EPHB1: variants seen among roughly 807,000 people sequenced by gnomAD.
EPHB1 encodes the protein EPH receptor B1, also known as ephrin type-B receptor 1.
Under a neutral mutation model 94.4 loss-of-function variants are expected in EPHB1, and 30 were observed. The ratio of observed to expected loss-of-function variants is 0.32; its 90% CI spans 0.24 to 0.43. The LOEUF (loss-of-function observed/expected upper bound fraction) is 0.43. Ranked by LOEUF, EPHB1 falls within the 20% of genes least tolerant of loss-of-function variation. EPHB1 has a pLI of 1.00. For missense variants in EPHB1, 1,055 were observed against 1,308.3 expected, an observed-to-expected ratio of 0.81 and a Z score of 2.99; for synonymous variants, 522 against 489.1, an observed-to-expected ratio of 1.07 and a Z score of -0.89.
At chr3:135,078,498 C>T (rs540843768) in intron 3 of EPHB1, among the ~76,000 whole-genome samples, 2 of 152,192 alleles carry the variant, frequency 1.3e-5, no homozygotes, top group African/African-American at 2.4e-5. Context: ...CACCCTCTTG[C>T]GCCCTCTGCC....
chr3:135,256,652 T>C (rs1041224895), intron 15 of EPHB1, among the ~76,000 whole-genome samples: 70 of 152,288 alleles, frequency 4.6e-4, no homozygotes, highest in African/African-American at 1.5e-3. Flanking sequence ...GCCCTTAACA[T>C]TTTTTCCTGC....
intron 1 of EPHB1, among the ~76,000 whole-genome samples, chr3:134,835,706 T>C (rs1478250087): frequency 6.6e-6 from 1 of 152,170 alleles, no homozygotes; most frequent in African/African-American, 2.4e-5. Context: ...GAAAGACCCC[T>C]GATCCTTGAG....
At chr3:134,903,411 C>T (rs966527710) in intron 1 of EPHB1, among the ~76,000 whole-genome samples, 1 of 152,240 alleles carries the variant, frequency 6.6e-6, no homozygotes, top group Non-Finnish European at 1.5e-5. Flanking sequence ...CTGGCCTCTT[C>T]AGCAGTGTGC....
At chr3:135,053,043 A>G (rs1354847253) in intron 3 of EPHB1, among the ~76,000 whole-genome samples, 2 of 135,002 alleles carry the variant, frequency 1.5e-5, no homozygotes, top group African/African-American at 2.9e-5. Flanking sequence ...ATATATATAT[A>G]TATATATATA....
intron 1 of EPHB1, among the ~76,000 whole-genome samples, chr3:134,825,427 G>A (rs2036460070): frequency 6.6e-6 from 1 of 152,254 alleles, no homozygotes; most frequent in Non-Finnish European, 1.5e-5. Context: ...GATTGAATGA[G>A]TGTCCCTTGC....
chr3:135,009,620 C>A (rs1470989905), intron 3 of EPHB1, among the ~76,000 whole-genome samples: 2 of 152,214 alleles, frequency 1.3e-5, no homozygotes, highest in Non-Finnish European at 2.9e-5. Context: ...TTTGCAACTA[C>A]CTGAGAAGCT....
At chr3:134,808,911 C>T (rs781121748) in intron 1 of EPHB1, among the ~76,000 whole-genome samples, 7 of 152,162 alleles carry the variant, frequency 4.6e-5, no homozygotes, top group South Asian at 2.1e-4. Context: ...GAACAATGGG[C>T]GAAGAGCCAT....
chr3:135,096,914 G>A lies in EPHB1; in HGVS notation c.806-9534G>A, dbSNP rs148770149. Among the ~76,000 whole-genome samples, 959 of 152,052 alleles carry A rather than the reference G, an allele frequency of 6.3e-3. 8 individuals are homozygous for A. The highest frequency in any genetic ancestry group is 0.021 in the African/African-American group (878 of 41,480). On this transcript the variant is annotated intron_variant, in intron 3 of 15. Coordinates refer to ENST00000398015, the MANE Select transcript of EPHB1 (RefSeq NM_004441.5). ...AGATCGAGACCATCCTGGCTAACAC[G>A]GTGAAACCCCGTCTCTACTTAAAAA...
At chr3:135,257,757 G>A (rs1460227912) in intron 15 of EPHB1, among the ~76,000 whole-genome samples, 4 of 151,210 alleles carry the variant, frequency 2.6e-5, no homozygotes, top group Non-Finnish European at 5.9e-5. Flanking sequence ...CGAGCTTCCC[G>A]GCTGCTTTGT....
At chr3:135,138,403 C>T (rs1028437070) in intron 5 of EPHB1, among the ~76,000 whole-genome samples, 9 of 152,064 alleles carry the variant, frequency 5.9e-5, no homozygotes, top group Non-Finnish European at 1.0e-4. Flanking sequence ...TGCATTATTC[C>T]TTGGTTAAAT....
At chr3:135,191,634 A>G (rs1239360750) in intron 10 of EPHB1, among the ~76,000 whole-genome samples, 1 of 151,314 alleles carries the variant, frequency 6.6e-6, no homozygotes, top group East Asian at 1.9e-4. Context: ...AGGATTCAAC[A>G]GATTTTTTTT....
chr3:135,052,203 T>C (rs1417920294), intron 3 of EPHB1, among the ~76,000 whole-genome samples: 1 of 152,204 alleles, frequency 6.6e-6, no homozygotes, highest in African/African-American at 2.4e-5. Context: ...TAAAGAGATA[T>C]GGGTCAGAGG....
chr3:135,188,356 G>A (rs903636959), intron 10 of EPHB1, among the ~76,000 whole-genome samples: 30 of 151,956 alleles, frequency 2.0e-4, no homozygotes, highest in African/African-American at 5.5e-4. Context: ...TTAGCCGGGC[G>A]TTGTGGTGGG....
intron 5 of EPHB1, among the ~76,000 whole-genome samples, chr3:135,144,645 C>G (rs1359052478): frequency 2.6e-5 from 4 of 152,158 alleles, no homozygotes. Flanking sequence ...CCTCAACCCC[C>G]ACCTGTCACC....
At chr3:135,216,726 G>A (rs1460703661) in intron 12 of EPHB1, among the ~76,000 whole-genome samples, 6 of 105,010 alleles carry the variant, frequency 5.7e-5, no homozygotes, top group Admixed American at 1.2e-4. Context: ...CTGTCTCAGG[G>A]AAAAAAAAAA....
chr3:135,129,205 G>A (rs1379767274), intron 4 of EPHB1, among the ~76,000 whole-genome samples: 1 of 151,966 alleles, frequency 6.6e-6, no homozygotes, highest in African/African-American at 2.4e-5. Context: ...TGGAATGGGG[G>A]GTGGGGGTGG....
intron 3 of EPHB1, among the ~76,000 whole-genome samples, chr3:135,099,429 T>C (rs569761825): frequency 1.7e-3 from 264 of 152,234 alleles, no homozygotes; most frequent in African/African-American, 4.9e-3. Context: ...CACATTGCCA[T>C]GAATATAAGG....
At chr3:134,997,571 A>G (rs1010581848) in intron 3 of EPHB1, among the ~76,000 whole-genome samples, 1 of 152,080 alleles carries the variant, frequency 6.6e-6, no homozygotes, top group African/African-American at 2.4e-5. Context: ...TTTCTACATT[A>G]CTGACTTGAT....
At chr3:135,141,966 A>C (rs1407348196) in intron 5 of EPHB1, among the ~76,000 whole-genome samples, 1 of 152,212 alleles carries the variant, frequency 6.6e-6, no homozygotes, top group Non-Finnish European at 1.5e-5. Context: ...ATGAGAGTAT[A>C]GTTTGCGAGT....
Sources: allele counts gnomAD v4.1 joint callset (sites outside exome capture counted in the v4.1 genomes callset), GRCh38; gene constraint gnomAD v4.1.1; transcripts MANE v1.5; gene names NCBI Gene and HGNC (gene_info 2026-07-23, HGNC 2026-07-21).